The following DMD variants were observed in gnomAD, a reference collection of about 807,000 sequenced individuals.
DMD encodes dystrophin, also known as mutant dystrophin.
Under a neutral mutation model 330.1 loss-of-function variants are expected in DMD, and 63 were observed. The observed-to-expected ratio is 0.19, with a 90% CI of 0.16 to 0.24. The LOEUF is 0.24. DMD is among the 10% of genes least tolerant of loss of function. The pLI, the probability that DMD is intolerant of heterozygous loss-of-function variation, is 1.00. For missense variants in DMD, 3,344 were observed against 2,684.1 expected (o/e 1.25, Z -5.43); for synonymous variants, 1,223 against 959.8 (o/e 1.27, Z -5.07).
chrX:31,538,791 C>G (rs960801318), intron 55 of DMD, among the ~76,000 whole-genome samples: 1 of 110,332 alleles, frequency 9.1e-6, no homozygotes, highest in Non-Finnish European at 1.9e-5. Context: ...AACTGAGGTA[C>G]AGCTATTTAG....
chrX:31,609,856 T>C (rs1007104419), intron 55 of DMD, among the ~76,000 whole-genome samples: 1 of 111,754 alleles, frequency 8.9e-6, no homozygotes, highest in Non-Finnish European at 1.9e-5. Context: ...ACATGACTTC[T>C]GTCAGACTTC....
chrX:31,880,913 A>G (rs1460389323), intron 47 of DMD, among the ~76,000 whole-genome samples: 1 of 111,869 alleles, frequency 8.9e-6, no homozygotes, highest in African/African-American at 3.3e-5. Context: ...AGTTCAAAAG[A>G]AGGCATTGTT....
chrX:32,660,028 T>A (rs1307134097), intron 9 of DMD, among the ~76,000 whole-genome samples: 3 of 111,089 alleles, frequency 2.7e-5, no homozygotes, highest in Non-Finnish European at 1.9e-5. Flanking sequence ...CAGTGGAAAG[T>A]TCTTCAATTT....
chrX:31,284,574 T>TCTTCTTCTTCTTCTTCTTCTTC (rs2052942925), intron 62 of DMD, among the ~76,000 whole-genome samples: 1 of 92,196 alleles, frequency 1.1e-5, no homozygotes, highest in African/African-American at 4.2e-5. Context: ...TTCTTCTTCT[T>TCTTCTTCTTCTTCTTCTTCTTC]CTTCTTCTTC....
intron 61 of DMD, among the ~76,000 whole-genome samples, chrX:31,342,613 T>C (rs1413693584): frequency 8.9e-6 from 1 of 111,782 alleles, no homozygotes; most frequent in African/African-American, 3.3e-5. Context: ...AAAATATTCT[T>C]TTAAGGGACC....
chrX:32,070,568 TAAAG>T (rs2096288695), intron 44 of DMD, among the ~76,000 whole-genome samples: 1 of 110,825 alleles, frequency 9.0e-6, no homozygotes, highest in Non-Finnish European at 1.9e-5. Context: ...GACAAGTAGA[TAAAG>T]AAACTGCGGT....
intron 53 of DMD, among the ~76,000 whole-genome samples, chrX:31,663,326 G>A (rs181917870): frequency 7.3e-4 from 81 of 111,039 alleles, no homozygotes; most frequent in Non-Finnish European, 1.2e-3. Flanking sequence ...AGCCCTTGAG[G>A]TGGTAATAGT....
chrX:32,809,976 G>C (rs1482759498), intron 6 of DMD, among the ~76,000 whole-genome samples: 1 of 97,300 alleles, frequency 1.0e-5, no homozygotes, highest in African/African-American at 4.0e-5. Flanking sequence ...AGAAAAACTA[G>C]CTGGGTGTGG....
rs770285216 is a variant in DMD, at chrX:32,949,737, A to G, written c.93+70402T>C. Among the ~76,000 whole-genome samples the G allele has an allele frequency of 8.1e-5, 9 of 111,577 alleles. No homozygotes were observed. The South Asian group carries it at 1.5e-3, about 18-fold the overall frequency. ...CTTTTTAAAAATACTGATGATTACA[A>G]TGTATTCTTAACAAGCTTTGGATGA... On this transcript the variant is annotated intron_variant, in intron 2 of 78. Coordinates refer to ENST00000357033, the MANE Select transcript of DMD (RefSeq NM_004006.3).
At position 32,699,203 on chromosome X, in the gene DMD, G is replaced by A; in HGVS notation, c.740C>T (p.Ala247Val). ...QVLPQQVSIE[A>V]IQEVEMLPRP... is the part of the protein sequence containing the mutation. ...TGGCAACATTTCCACTTCCTGGATG[G>A]CTTCAATGCTCACTTGTTGAGGCAA... is the stretch of plus-strand genomic sequence containing the variant. Residue 247 changes from alanine to valine, a missense_variant, in exon 8 of 79, where the codon GCC (alanine) becomes GTC (valine). Transcript: ENST00000357033. 1.7e-6 allele frequency: 2 copies of A among 1,207,983 alleles called. No homozygotes were observed. Among genetic ancestry groups the A allele is most frequent in the Non-Finnish European group, 2.2e-6 (2 of 892,269 alleles).
chrX:31,592,734 A>C, intron 55 of DMD, among the ~76,000 whole-genome samples: 1 of 110,503 alleles, frequency 9.0e-6, no homozygotes. Context: ...GCTCATTACT[A>C]TATGTTGACC....
At chrX:32,790,827 C>T (rs758858717) in intron 7 of DMD, among the ~76,000 whole-genome samples, 3 of 111,630 alleles carry the variant, frequency 2.7e-5, no homozygotes, top group Admixed American at 1.9e-4. Context: ...CAACCTTACC[C>T]TCTCCAGTAG....
At chrX:32,732,106 G>A (rs867019894) in intron 7 of DMD, among the ~76,000 whole-genome samples, 7 of 111,857 alleles carry the variant, frequency 6.3e-5, no homozygotes, top group South Asian at 3.7e-4. Context: ...AGAGAAGTAC[G>A]TGAAGAATGC....
At chrX:31,658,546 A>T (rs761432882) in intron 53 of DMD, among the ~76,000 whole-genome samples, 1 of 112,478 alleles carries the variant, frequency 8.9e-6, no homozygotes, top group East Asian at 2.8e-4. Context: ...AACTTGTTGA[A>T]TTGTTTATGT....
intron 43 of DMD, 85 bp from the exon 44 acceptor site, chrX:32,217,148 TACTG>T: frequency 1.0e-6 from 1 of 981,182 alleles, no homozygotes; most frequent in South Asian, 2.1e-5. Context: ...TTTTTGGTTA[TACTG>T]ACAAAGATAT....
intron 9 of DMD, among the ~76,000 whole-genome samples, chrX:32,682,601 CA>C (rs773254325): frequency 1.8e-5 from 2 of 110,694 alleles, no homozygotes; most frequent in East Asian, 2.8e-4. Flanking sequence ...GAGTTCATAT[CA>C]AAAAAAACAA....
At chrX:32,652,184 G>T (rs769955960) in intron 9 of DMD, among the ~76,000 whole-genome samples, 1 of 110,017 alleles carries the variant, frequency 9.1e-6, no homozygotes, top group African/African-American at 3.3e-5. Flanking sequence ...TGTGCACAAC[G>T]TTCAGGTTTG....
At chrX:33,127,631 A>G (rs2095473010) in intron 1 of DMD, among the ~76,000 whole-genome samples, 1 of 110,897 alleles carries the variant, frequency 9.0e-6, no homozygotes, top group Non-Finnish European at 1.9e-5. Flanking sequence ...ACACATACAC[A>G]TATTCATATG....
intron 44 of DMD, among the ~76,000 whole-genome samples, chrX:32,148,949 T>C (rs1367441643): frequency 8.9e-6 from 1 of 112,047 alleles, no homozygotes; most frequent in Non-Finnish European, 1.9e-5. Context: ...TTGGCTACTG[T>C]CTTTACACTG....
Sources: allele counts gnomAD v4.1 joint callset (sites outside exome capture counted in the v4.1 genomes callset), GRCh38; gene constraint gnomAD v4.1.1; transcripts MANE v1.5; gene names NCBI Gene and HGNC (gene_info 2026-07-23, HGNC 2026-07-21).